Variants in LURAP1L observed in about 807,000 individuals in gnomAD.
The protein encoded by LURAP1L is leucine rich adaptor protein 1-like.
In LURAP1L, 12 loss-of-function variants were observed where a neutral mutation model predicts 13.8. That is an observed-to-expected ratio of 0.87 (90% CI 0.56 to 1.41). The LOEUF (loss-of-function observed/expected upper bound fraction) is 1.41, where lower values mean the gene tolerates loss of function less well. LURAP1L is among the 40% of genes most tolerant of loss of function. LURAP1L has a pLI of 0.00. For synonymous variants in LURAP1L, 139 were observed against 119.2 expected (o/e 1.17, Z -1.08); for missense variants, 375 against 292.9 (o/e 1.28, Z -2.04).
intron 1 of LURAP1L, among the ~76,000 whole-genome samples, chr9:12,812,632 T>C (rs1819752631): frequency 6.6e-6 from 1 of 152,158 alleles, no homozygotes; most frequent in Admixed American, 6.5e-5. Context: ...CAGATTTAAT[T>C]ATAGTATCAA....
intron 1 of LURAP1L, among the ~76,000 whole-genome samples, chr9:12,785,821 G>A (rs964038358): frequency 3.9e-5 from 6 of 152,056 alleles, no homozygotes; most frequent in South Asian, 4.1e-4. Context: ...TGTTAAAACC[G>A]GGTACTATGA....
At chr9:12,816,014 A>AT (rs1296459587) in intron 1 of LURAP1L, among the ~76,000 whole-genome samples, 2 of 152,186 alleles carry the variant, frequency 1.3e-5, no homozygotes, top group African/African-American at 4.8e-5. Context: ...GAGCAGCAGA[A>AT]TTGATTCTTC....
At chr9:12,776,235 A>T (rs1819180978) in intron 1 of LURAP1L, among the ~76,000 whole-genome samples, 1 of 152,100 alleles carries the variant, frequency 6.6e-6, no homozygotes, top group African/African-American at 2.4e-5. Flanking sequence ...TTGCTCGGTC[A>T]CGGTTTGCAA....
intron 1 of LURAP1L, among the ~76,000 whole-genome samples, chr9:12,817,956 C>T (rs753316137): frequency 1.3e-5 from 2 of 152,034 alleles, no homozygotes; most frequent in South Asian, 2.1e-4. Flanking sequence ...TGTGAACTGA[C>T]GTGCCCAGCG....
intron 1 of LURAP1L, among the ~76,000 whole-genome samples, chr9:12,794,895 G>A (rs1819492332): frequency 6.6e-6 from 1 of 151,822 alleles, no homozygotes; most frequent in East Asian, 1.9e-4. Flanking sequence ...CAGATGATGT[G>A]GAAGATATGT....
chr9:12,776,485 C>T lies in LURAP1L; in HGVS notation c.312+458C>T, dbSNP rs569933828. On this transcript the variant is annotated intron_variant, in intron 1 of 1. Transcript: ENST00000319264. The stretch of plus-strand genomic sequence containing the variant: ...CCTGGTTTGCCGGGAGGTGGCGTGG[C>T]AGGGTCCTTGCAGCCTTTCCTCCTA... 2.6e-5 allele frequency among the ~76,000 whole-genome samples: 4 copies of T among 152,168 alleles called. No individual in the cohort carries two copies. In the East Asian group the frequency reaches 7.8e-4, roughly 30 times the overall value.
At position 12,821,411 on chromosome 9, in the gene LURAP1L, G is replaced by A. The variant is rs1325737471; in HGVS notation, c.338G>A (p.Arg113Lys). 5 of 1,613,842 alleles carry A rather than the reference G, an allele frequency of 3.1e-6. No homozygotes were observed. The African/African-American group carries it at 4.0e-5, about 13-fold the overall frequency. Residue 113 changes from arginine (R) to lysine (K), a missense_variant, in exon 2 of 2, where the codon AGG becomes AAG. Physicochemically the swap from Arg to Lys is conservative, Grantham distance 26. Transcript: ENST00000319264. ...GTTAACCTCAGAGCCACAGACGTCA[G>A]GCTCATGCGCCAGTTGCTTGTAATC... ...EMVNLRATDV[R>K]LMRQLLVINE...
intron 1 of LURAP1L, among the ~76,000 whole-genome samples, chr9:12,797,463 G>GA (rs911059703): frequency 3.3e-5 from 5 of 151,858 alleles, no homozygotes; most frequent in African/African-American, 7.3e-5. Context: ...CACTGGAGAA[G>GA]AAAAAAACAG....
At chr9:12,810,525 G>A (rs114653879) in intron 1 of LURAP1L, among the ~76,000 whole-genome samples, 1 of 152,186 alleles carries the variant, frequency 6.6e-6, no homozygotes. Flanking sequence ...ATATCAGACT[G>A]GAACCATAAT....
chr9:12,786,547 CATATATA>C (rs1358825250), intron 1 of LURAP1L, among the ~76,000 whole-genome samples: 1 of 53,006 alleles, frequency 1.9e-5, no homozygotes, highest in Non-Finnish European at 3.3e-5. Flanking sequence ...ATATATATGA[CATATATA>C]TATATATATA....
intron 1 of LURAP1L, among the ~76,000 whole-genome samples, chr9:12,786,558 A>ATG (rs1191286966): frequency 1.1e-4 from 13 of 114,884 alleles, no homozygotes; most frequent in African/African-American, 3.8e-4. Context: ...ATATATATAT[A>ATG]TATATATATA....
chr9:12,808,935 C>T (rs1819699657), intron 1 of LURAP1L, among the ~76,000 whole-genome samples: 3 of 152,138 alleles, frequency 2.0e-5, no homozygotes, highest in Admixed American at 2.0e-4. Flanking sequence ...TTCATTTTGG[C>T]CCATGGTTCT....
At chr9:12,820,992 G>A (rs79614152) in intron 1 of LURAP1L, among the ~76,000 whole-genome samples, 4,708 of 152,166 alleles carry the variant, frequency 0.031, 101 homozygotes, top group Non-Finnish European at 0.033. Context: ...TCCTTAATTT[G>A]TTCACCTTCC....
intron 1 of LURAP1L, among the ~76,000 whole-genome samples, chr9:12,792,532 C>T (rs1819456501): frequency 6.6e-6 from 1 of 151,996 alleles, no homozygotes; most frequent in Non-Finnish European, 1.5e-5. Context: ...CATATATTTG[C>T]TAGGATAGAG....
chr9:12,818,912 T>C (rs1167204684), intron 1 of LURAP1L, among the ~76,000 whole-genome samples: 1 of 152,220 alleles, frequency 6.6e-6, no homozygotes, highest in Non-Finnish European at 1.5e-5. Flanking sequence ...TGAATGATTT[T>C]GCAAAAGTTT....
rs1563901491 is a variant in LURAP1L, at chr9:12,821,806, T to TATA, written c.*46_*47insATA. ...CTGGTGTGCAATGAACTTGTATTTA[T>TATA]CCTTCTTCTCCGCTGCTATATTTTT... is the stretch of plus-strand genomic sequence containing the variant. On this transcript the variant is annotated 3_prime_UTR_variant, in exon 2 of 2. Transcript: ENST00000319264. 1 of 1,551,164 alleles carries TATA rather than the reference T, an allele frequency of 6.4e-7. No individual in the cohort carries two copies. The highest frequency in any genetic ancestry group is 1.2e-5 in the South Asian group (1 of 83,120).
At chr9:12,780,836 C>G (rs1293242813) in intron 1 of LURAP1L, among the ~76,000 whole-genome samples, 1 of 152,006 alleles carries the variant, frequency 6.6e-6, no homozygotes, top group Non-Finnish European at 1.5e-5. Context: ...TAATCTTACT[C>G]CTCCCCATTT....
chr9:12,816,282 T>C (rs1226477811), intron 1 of LURAP1L, among the ~76,000 whole-genome samples: 2 of 152,200 alleles, frequency 1.3e-5, no homozygotes, highest in Admixed American at 1.3e-4. Flanking sequence ...AGTCTTCTTA[T>C]TGGGTAAGAT....
At chr9:12,812,368 G>A (rs1452582742) in intron 1 of LURAP1L, among the ~76,000 whole-genome samples, 2 of 152,156 alleles carry the variant, frequency 1.3e-5, no homozygotes, top group Non-Finnish European at 1.5e-5. Flanking sequence ...TACATTCAAG[G>A]TTGAAGATCT....
Sources: allele counts gnomAD v4.1 joint callset (sites outside exome capture counted in the v4.1 genomes callset), GRCh38; gene constraint gnomAD v4.1.1; transcripts MANE v1.5; gene names NCBI Gene and HGNC (gene_info 2026-07-23, HGNC 2026-07-21).